NFIB: variants seen among roughly 807,000 people sequenced by gnomAD.
NFIB encodes the protein nuclear factor I B.
A neutral mutation model predicts 61.5 loss-of-function variants in NFIB; 11 were observed. That is an observed-to-expected ratio of 0.18 (90% CI 0.11 to 0.30). NFIB has a LOEUF of 0.30. Among genes scored for constraint, NFIB ranks in the 10% least tolerant of loss-of-function variants. The pLI, the probability that NFIB is intolerant of heterozygous loss-of-function variation, is 1.00. For missense variants in NFIB, 471 were observed against 608.9 expected (o/e 0.77, Z 2.38); for synonymous variants, 260 against 216.5 (o/e 1.20, Z -1.76).
At chr9:14,341,352 G>C (rs1175283618) in intron 1 of NFIB, among the ~76,000 whole-genome samples, 1 of 152,176 alleles carries the variant, frequency 6.6e-6, no homozygotes, top group Non-Finnish European at 1.5e-5. Flanking sequence ...AGGAAGGATG[G>C]ACAGCTCTCT....
At chr9:14,147,946 T>C (rs2042448831) in intron 5 of NFIB, among the ~76,000 whole-genome samples, 1 of 151,956 alleles carries the variant, frequency 6.6e-6, no homozygotes, top group Admixed American at 6.6e-5. Context: ...TCAGCCAAAA[T>C]GATACATTTT....
chr9:14,216,094 A>G (rs2050826924), intron 2 of NFIB, among the ~76,000 whole-genome samples: 1 of 152,238 alleles, frequency 6.6e-6, no homozygotes, highest in South Asian at 2.1e-4. Flanking sequence ...AATAATGTTC[A>G]ATATTAAGAA....
At position 14,120,380 on chromosome 9, in the gene NFIB, C is replaced by A. The variant is rs2038764232; in HGVS notation, c.1245+60G>T. On this transcript the variant is annotated intron_variant, in intron 8 of 10. Transcript: ENST00000380953. The surrounding 1 kb of genome is among the most constrained non-coding windows in gnomAD (Gnocchi z 4.4). ...CACTGTCTGACTAACCTTTGTGTCTCAGAATTAGATCTGTCCCATCTCCCT... is the reference window on the plus strand; with the variant it reads ...CACTGTCTGACTAACCTTTGTGTCTAAGAATTAGATCTGTCCCATCTCCCT... The A allele has an allele frequency of 6.4e-7, 1 of 1,555,738 alleles. No homozygotes were observed. Among genetic ancestry groups the A allele is most frequent in the East Asian group, 2.2e-5 (1 of 44,574 alleles).
the NFIB span, among the ~76,000 whole-genome samples, chr9:14,485,710 A>C: frequency 2.6e-5 from 4 of 152,098 alleles, no homozygotes; most frequent in Middle Eastern, 3.2e-3. Flanking sequence ...CCCCATCTCT[A>C]CTAAAAATAC....
At chr9:14,400,539 G>A (rs1397555154), upstream of NFIB, among the ~76,000 whole-genome samples, 2 of 152,296 alleles carry the variant, frequency 1.3e-5, no homozygotes, top group East Asian at 3.9e-4. Context: ...GGTCACAGCT[G>A]TAACTCAAGT....
At chr9:14,490,745 G>T in the NFIB span, among the ~76,000 whole-genome samples, 4 of 152,138 alleles carry the variant, frequency 2.6e-5, no homozygotes, top group African/African-American at 9.7e-5. Context: ...AGATATCAAT[G>T]CGATACCATC....
chr9:14,276,068 G>C (rs2057975779), intron 2 of NFIB, among the ~76,000 whole-genome samples: 1 of 152,086 alleles, frequency 6.6e-6, no homozygotes, highest in South Asian at 2.1e-4. Context: ...TACATGACTA[G>C]ATACTGCAGG....
chr9:14,400,498 C>T (rs922353551), upstream of NFIB, among the ~76,000 whole-genome samples: 1 of 152,140 alleles, frequency 6.6e-6, no homozygotes, highest in African/African-American at 2.4e-5. Flanking sequence ...GCTGTAAAAA[C>T]ATACATTCTA....
intron 2 of NFIB, among the ~76,000 whole-genome samples, chr9:14,295,999 CAACTAGCT>C (rs1400392009): frequency 1.3e-5 from 2 of 152,210 alleles, no homozygotes; most frequent in Admixed American, 1.3e-4. Flanking sequence ...AAACTACACA[CAACTAGCT>C]AACTTCATGT....
intron 1 of NFIB, among the ~76,000 whole-genome samples, chr9:14,396,845 A>T (rs1482938047): frequency 6.6e-6 from 1 of 152,170 alleles, no homozygotes; most frequent in African/African-American, 2.4e-5. Context: ...AGCTGAATCT[A>T]AGGTGCCTGT....
chr9:14,440,598 A>ATCTTT, the NFIB span, among the ~76,000 whole-genome samples: 1 of 152,214 alleles, frequency 6.6e-6, no homozygotes. Context: ...TCAGAAAGAG[A>ATCTTT]CTGCTGTCCA....
chr9:14,372,702 T>A (rs575187999), intron 1 of NFIB, among the ~76,000 whole-genome samples: 2 of 152,134 alleles, frequency 1.3e-5, no homozygotes, highest in Non-Finnish European at 2.9e-5. Flanking sequence ...TGTTATAACA[T>A]GTGGTCCAGC....
At chr9:14,352,655 T>C (rs78326453) in intron 1 of NFIB, among the ~76,000 whole-genome samples, 5,278 of 152,298 alleles carry the variant, frequency 0.035, 120 homozygotes, top group African/African-American at 0.043. Flanking sequence ...TTCTACGCTG[T>C]ACTAGGTCTG....
At chr9:14,117,440 G>A (rs1177379248) in intron 8 of NFIB, among the ~76,000 whole-genome samples, 1 of 152,080 alleles carries the variant, frequency 6.6e-6, no homozygotes, top group Non-Finnish European at 1.5e-5. Context: ...GCAATTTGCT[G>A]GGAGGCTATT....
At chr9:14,095,418 C>G (rs1292231749) in intron 10 of NFIB, among the ~76,000 whole-genome samples, 1 of 152,006 alleles carries the variant, frequency 6.6e-6, no homozygotes, top group Non-Finnish European at 1.5e-5. Context: ...TATCTCCTCC[C>G]ACAGACCACA....
chr9:14,105,499 G>C (rs1246665874), intron 10 of NFIB, among the ~76,000 whole-genome samples: 4 of 152,026 alleles, frequency 2.6e-5, no homozygotes, highest in African/African-American at 9.7e-5. Flanking sequence ...CAGGTTACTT[G>C]AGCAAGAGCC....
At chr9:14,197,256 C>T (rs531590041) in intron 2 of NFIB, among the ~76,000 whole-genome samples, 2 of 152,270 alleles carry the variant, frequency 1.3e-5, no homozygotes, top group South Asian at 2.1e-4. Context: ...ATCTGAGGGA[C>T]GACCCTTAAC....
intron 1 of NFIB, among the ~76,000 whole-genome samples, chr9:14,336,542 C>G (rs2060887883): frequency 6.6e-6 from 1 of 152,180 alleles, no homozygotes; most frequent in Non-Finnish European, 1.5e-5. Flanking sequence ...TATATAGCAA[C>G]TCACTTTTTC....
chr9:14,390,596 G>T (rs1302254220), intron 1 of NFIB, among the ~76,000 whole-genome samples: 1 of 152,200 alleles, frequency 6.6e-6, no homozygotes, highest in Non-Finnish European at 1.5e-5. Flanking sequence ...TTCATATGTT[G>T]AAACCTAATT....
Sources: allele counts gnomAD v4.1 joint callset (sites outside exome capture counted in the v4.1 genomes callset), GRCh38; gene constraint gnomAD v4.1.1; non-coding constraint Gnocchi (gnomAD v3.1); transcripts MANE v1.5; gene names NCBI Gene and HGNC (gene_info 2026-07-23, HGNC 2026-07-21).